The following LTBP2 variants were observed in gnomAD, a reference collection of about 807,000 sequenced individuals.
The protein encoded by LTBP2 is latent transforming growth factor beta binding protein 2.
A neutral mutation model predicts 210.6 loss-of-function variants in LTBP2; 103 were observed. The ratio of observed to expected loss-of-function variants is 0.49; its 90% confidence interval spans 0.42 to 0.58. The LOEUF is 0.58. Among genes scored for constraint, LTBP2 ranks in the 20% least tolerant of loss-of-function variants. The pLI, the probability that LTBP2 is intolerant of heterozygous loss-of-function variation, is 0.00. For missense variants in LTBP2, 2,313 were observed against 2,494.5 expected, an observed-to-expected ratio of 0.93 and a Z score of 1.55; for synonymous variants, 1,007 against 1,015.0, an observed-to-expected ratio of 0.99 and a Z score of 0.15.
chr14:74,585,837 T>C lies in LTBP2; in HGVS notation c.830+17A>G, dbSNP rs2088196644. On this transcript the variant is annotated intron_variant, in intron 3 of 35. Coordinates refer to ENST00000261978, the MANE Select transcript of LTBP2 (RefSeq NM_000428.3). The stretch of plus-strand genomic sequence containing the variant: ...ACTGAGCCCCAGACCCCAAGCCCCA[T>C]GGAGAAGGGGACTTACCCAGCTGGT... 6 of 1,613,618 alleles carry C rather than the reference T, an allele frequency of 3.7e-6. No individual in the cohort carries two copies. In the East Asian group the frequency reaches 1.1e-4, roughly 30 times the overall value.
At position 74,572,610 on chromosome 14, in the gene LTBP2, T is replaced by C. The variant is rs559058555; in HGVS notation, c.830+13244A>G. Among the ~76,000 whole-genome samples the C allele has an allele frequency of 3.9e-5, 6 of 152,298 alleles. No individual in the cohort carries two copies. The South Asian group carries it at 8.3e-4, about 21-fold the overall frequency. On this transcript the variant is annotated intron_variant, in intron 3 of 35. Transcript: ENST00000261978. ...ACCCATAAATCAGAAACCTCCTTTATGTCCTGGACAAGAGGTGAAACCTGA... is the reference window on the plus strand; with the variant it reads ...ACCCATAAATCAGAAACCTCCTTTACGTCCTGGACAAGAGGTGAAACCTGA...
chr14:74,534,805 G>C (rs1395967232), intron 9 of LTBP2, among the ~76,000 whole-genome samples: 1 of 152,110 alleles, frequency 6.6e-6, no homozygotes, highest in Non-Finnish European at 1.5e-5. Flanking sequence ...CGCAGACACA[G>C]AGACCACAGC....
chr14:74,524,356 C>T (rs548626714), intron 15 of LTBP2, among the ~76,000 whole-genome samples: 13 of 152,174 alleles, frequency 8.5e-5, no homozygotes, highest in South Asian at 2.1e-4. Flanking sequence ...TTCCACCAGG[C>T]GCAGGGGCTT....
At chr14:74,580,212 A>T (rs982610876) in intron 3 of LTBP2, among the ~76,000 whole-genome samples, 1 of 152,214 alleles carries the variant, frequency 6.6e-6, no homozygotes, top group Non-Finnish European at 1.5e-5. Context: ...GGGGAGAAGA[A>T]GCCACGGGAG....
intron 26 of LTBP2, 64 bp from the exon 27 acceptor site, chr14:74,506,887 G>A (rs912889462): frequency 1.1e-4 from 163 of 1,526,192 alleles, no homozygotes; most frequent in African/African-American, 7.8e-4. Flanking sequence ...GTGCGCGCGC[G>A]CGTGTGTGCT....
rs563165153 is a variant in LTBP2 at position 74,503,246 on chromosome 14, A to G, written c.4861T>C (p.Cys1621Arg). ...GAGCTCCTCGGGGGACACAGAGCAC[A>G]CTGCTGGCTCCAGGCCTCGCCGTCC... ...CQDGEAWSQQ[C>R]ALCPPRSSEV... is the part of the protein sequence containing the mutation. The change falls in exon 33 of 36, where the codon TGT becomes CGT. Residue 1621 changes from cysteine to arginine, a missense_variant. This residue lies in a region of LTBP2 where 443 missense variants were observed against 501.4 expected (regional missense o/e 0.88). Coordinates refer to ENST00000261978, the MANE Select transcript of LTBP2 (RefSeq NM_000428.3). The G allele has an allele frequency of 1.2e-6, 2 of 1,613,920 alleles. No homozygotes were observed. Among genetic ancestry groups the G allele is most frequent in the African/African-American group, 1.3e-5 (1 of 74,940 alleles).
chr14:74,571,023 T>G (rs1352485719), intron 3 of LTBP2, among the ~76,000 whole-genome samples: 3 of 150,168 alleles, frequency 2.0e-5, no homozygotes, highest in Admixed American at 2.0e-4. Context: ...AATAAACCAC[T>G]TTTCTTTATA....
At chr14:74,550,943 G>A in intron 7 of LTBP2, 121 bp downstream of exon 7, 2 of 1,294,350 alleles carry the variant, frequency 1.5e-6, no homozygotes, top group Non-Finnish European at 2.2e-6. Context: ...TGGGAAATGG[G>A]AGAGTCTGCA....
intron 3 of LTBP2, among the ~76,000 whole-genome samples, chr14:74,574,187 C>G (rs554035846): frequency 3.3e-5 from 5 of 152,338 alleles, no homozygotes; most frequent in African/African-American, 4.8e-5. Flanking sequence ...AAACCTCACC[C>G]TAATGCTGCA....
chr14:74,599,283 G>C (rs947990910), intron 2 of LTBP2, among the ~76,000 whole-genome samples: 1 of 152,196 alleles, frequency 6.6e-6, no homozygotes, highest in Non-Finnish European at 1.5e-5. Flanking sequence ...GAGTGGGAGA[G>C]TAACTTGCCT....
In LTBP2 at chr14:74,516,925, C is replaced by T. The variant is rs1178458517; in HGVS notation, c.2805G>A (p.Glu935=). The part of the protein sequence containing the change: ...TQECQDINEC[E]QPGVCSGGQC... The stretch of plus-strand genomic sequence containing the variant: ...GCCCCCCGCTGCACACCCCTGGCTG[C>T]TCACACTCATTGATATCTGTGAACA... The change falls in exon 18 of 36, where the codon GAG becomes GAA. Residue 935 remains glutamate (E), a synonymous_variant. Coordinates refer to ENST00000261978, the MANE Select transcript of LTBP2 (RefSeq NM_000428.3). 8.4e-6 allele frequency: 13 copies of T among 1,551,722 alleles called. No individual in the cohort carries two copies. The highest frequency in any genetic ancestry group is 1.1e-5 in the Non-Finnish European group (13 of 1,147,130).
chr14:74,595,920 G>A (rs2088353801), intron 2 of LTBP2, among the ~76,000 whole-genome samples: 2 of 152,132 alleles, frequency 1.3e-5, no homozygotes, highest in Admixed American at 6.5e-5. Flanking sequence ...GAGCAGGATG[G>A]GCGTGGTTGC....
Position 74,505,118 on chromosome 14 carries a change from C to T in LTBP2, c.4234G>A (p.Asp1412Asn). Reference sequence around the variant, plus strand: ...TGGCCCTTCTGCCCGGAGTAGCAGTCCATGCGGGTGGGGGCCGGGGCATGG... The same window carrying T: ...TGGCCCTTCTGCCCGGAGTAGCAGTTCATGCGGGTGGGGGCCGGGGCATGG... ...GDHAPAPTRM[D>N]CYSGQKGHAP... is the part of the protein sequence containing the mutation. Residue 1412 changes from aspartate (D) to asparagine (N), a missense_variant, in exon 29 of 36, where the codon GAC becomes AAC. This residue lies in a region of LTBP2 where 1,867 missense variants were observed against 1,976.9 expected (regional missense o/e 0.94). Transcript: ENST00000261978. 6.2e-7 allele frequency: 1 copy of T among 1,613,976 alleles called. No homozygotes were observed. Among genetic ancestry groups the T allele is most frequent in the Non-Finnish European group, 8.5e-7 (1 of 1,180,034 alleles).
At chr14:74,513,781 G>T (rs1375551186) in intron 18 of LTBP2, among the ~76,000 whole-genome samples, 1 of 149,560 alleles carries the variant, frequency 6.7e-6, no homozygotes, top group East Asian at 2.0e-4. Context: ...CTCCAGCCTG[G>T]GTGACAGAGC....
chr14:74,528,221 G>T (rs1416792273), intron 12 of LTBP2, among the ~76,000 whole-genome samples: 1 of 152,212 alleles, frequency 6.6e-6, no homozygotes, highest in Non-Finnish European at 1.5e-5. Context: ...CGCTGGGGTG[G>T]GGGCTGCGGC....
At chr14:74,522,093 TG>T in intron 16 of LTBP2, 54 bp from the exon 17 acceptor site, 1 of 1,577,866 alleles carries the variant, frequency 6.3e-7, no homozygotes. Context: ...TGCCGTTCTT[TG>T]GGCACCTACC....
intron 2 of LTBP2, among the ~76,000 whole-genome samples, chr14:74,588,486 G>T (rs2088239213): frequency 1.3e-5 from 2 of 152,268 alleles, no homozygotes; most frequent in East Asian, 3.9e-4. Flanking sequence ...CTCCCAAAGT[G>T]CTGGGATTAC....
At chr14:74,595,399 G>T (rs1314100417) in intron 2 of LTBP2, among the ~76,000 whole-genome samples, 1 of 152,214 alleles carries the variant, frequency 6.6e-6, no homozygotes, top group Non-Finnish European at 1.5e-5. Flanking sequence ...TCCAGCTGCT[G>T]CCCCAAAGCA....
At position 74,551,079 on chromosome 14, in the gene LTBP2, G is replaced by A. The variant is rs2087647174; in HGVS notation, c.1671C>T (p.Asn557=). Residue 557 remains asparagine, a synonymous_variant, in exon 7 of 36, where the codon AAC becomes AAT. Transcript: ENST00000261978. ...PRGLLGRCYL[N]TVNGQCANPL... is the part of the protein sequence containing the mutation. ...GTGTTCTCACCTGTCCGTTCACAGT[G>A]TTCAGGTAACACCGGCCCAGCAGTC... The A allele has an allele frequency of 6.2e-7, 1 of 1,613,786 alleles. No individual in the cohort carries two copies.
Sources: gnomAD v4.1 joint callset for allele counts (sites outside exome capture counted in the v4.1 genomes callset) on GRCh38, gnomAD v4.1.1 for gene constraint, gnomAD v4.1.1 regional missense constraint, MANE v1.5 for transcripts, NCBI Gene and HGNC (gene_info 2026-07-23, HGNC 2026-07-21) for gene names.